SALL4: variants seen among roughly 807,000 people sequenced by gnomAD.
SALL4 encodes spalt like transcription factor 4, also known as sal-like protein 4.
In SALL4, 4 loss-of-function variants were observed where a neutral mutation model predicts 60.8. That is an observed-to-expected ratio of 0.07 (90% CI 0.03 to 0.15). SALL4 has a LOEUF of 0.15. Among genes scored for constraint, SALL4 ranks in the 10% least tolerant of loss-of-function variants. SALL4 has a pLI of 1.00. For missense variants in SALL4, 1,178 were observed against 1,394.7 expected (o/e 0.84, Z 2.48); for synonymous variants, 580 against 574.9 (o/e 1.01, Z -0.13).
At chr20:51,792,739 T>G in intron 1 of SALL4, 1 of 1,088,466 alleles carries the variant, frequency 9.2e-7, no homozygotes, top group African/African-American at 1.7e-5. Flanking sequence ...GAATTTCTTT[T>G]GTAACTGGGG....
Position 51,782,842 on chromosome 20 carries a change from G to A in SALL4, c.*1423C>T, listed in dbSNP as rs971996683. ...TTCCCACCAATACATCAACTCTTAG[G>A]CTTTAGACAGGGCCTGGGAATACTT... On this transcript the variant is annotated 3_prime_UTR_variant, in exon 4 of 4. Transcript: ENST00000217086. 1 of 151,186 alleles carries A rather than the reference G, an allele frequency of 6.6e-6. No homozygotes were observed. Among genetic ancestry groups the A allele is most frequent in the Non-Finnish European group, 1.5e-5 (1 of 67,920 alleles). 9.4% of individuals were successfully genotyped at this position (151,186 alleles called of 1,614,324 possible).
rs770161717 is a variant in SALL4 at position 51,790,745 on chromosome 20, A to C, written c.1738T>G (p.Ser580Ala). The part of the protein sequence containing the change: ...ICHRVLSCQS[S>A]LKMHYRTHTG... ...TGGGTGCGATAATGCATCTTGAGGG[A>C]GCTCTGACAGCTTAAGACTCGGTGG... is the stretch of plus-strand genomic sequence containing the variant. Residue 580 changes from serine to alanine, a missense_variant, in exon 2 of 4, where the codon TCC becomes GCC. Physicochemically the swap from Ser to Ala is moderately conservative, Grantham distance 99. This residue lies in a region of SALL4 where 853 missense variants were observed against 1,036.8 expected (regional missense o/e 0.82). Transcript: ENST00000217086. This position sits in a 1 kb window ranked among gnomAD's most constrained non-coding sequence, Gnocchi z 5.5. 61 of 1,613,830 alleles carry C rather than the reference A, an allele frequency of 3.8e-5. No homozygotes were observed. The highest frequency in any genetic ancestry group is 5.1e-5 in the Non-Finnish European group (60 of 1,180,004).
chr20:51,800,875 A>G (rs1386517759), intron 1 of SALL4, among the ~76,000 whole-genome samples: 1 of 152,208 alleles, frequency 6.6e-6, no homozygotes. Context: ...CCCTGGAAAA[A>G]TGTTAAACGG....
chr20:51,782,820 C>A lies in SALL4; in HGVS notation c.*1445G>T, dbSNP rs921833761. 1 of 151,136 alleles carries A rather than the reference C, an allele frequency of 6.6e-6. No individual in the cohort carries two copies. The highest frequency in any genetic ancestry group is 1.5e-5 in the Non-Finnish European group (1 of 67,854). 9.4% of individuals were successfully genotyped at this position (151,136 alleles called of 1,614,324 possible). A position where few individuals can be genotyped will look rare whatever the true frequency, so the allele number is the denominator to read the frequency against. On this transcript the variant is annotated 3_prime_UTR_variant, in exon 4 of 4. Coordinates refer to ENST00000217086, the MANE Select transcript of SALL4 (RefSeq NM_020436.5). ...AATCATCTTGAACGTTCACCTCTTC[C>A]CACCAATACATCAACTCTTAGGCTT...
intron 1 of SALL4, 97 bp downstream of exon 1, chr20:51,802,182 G>A: frequency 7.0e-7 from 1 of 1,431,382 alleles, no homozygotes; most frequent in South Asian, 1.4e-5. Context: ...CTGAATTTGC[G>A]CTGGACGCCG....
chr20:51,789,887 A>T, intron 2 of SALL4, 135 bp downstream of exon 2: 1 of 1,037,022 alleles, frequency 9.6e-7, no homozygotes, highest in Non-Finnish European at 1.5e-6. Flanking sequence ...CTCTACCCAG[A>T]AGTAAAGAAA....
At position 51,792,071 on chromosome 20, in the gene SALL4, C is replaced by T. The variant is rs768953160; in HGVS notation, c.412G>A (p.Gly138Ser). Reference sequence around the variant, plus strand: ...TTCTCCTTCATGTCCTCTGAGCTGCCGCCATTCTCCCTGTGACAGTCCTTA... The same window carrying T: ...TTCTCCTTCATGTCCTCTGAGCTGCTGCCATTCTCCCTGTGACAGTCCTTA... ...GSKDCHRENG[G>S]SSEDMKEKPD... Residue 138 changes from glycine to serine, a missense_variant, in exon 2 of 4, where the codon GGC (glycine) becomes AGC (serine). Gly to Ser is a moderately conservative substitution (Grantham distance 56). Around this residue, in one of 5 missense-constraint regions of SALL4, gnomAD observed 853 missense variants for 1,036.8 expected, o/e 0.82. Coordinates refer to ENST00000217086, the MANE Select transcript of SALL4 (RefSeq NM_020436.5). 30 of 1,614,054 alleles carry T rather than the reference C, an allele frequency of 1.9e-5. No individual in the cohort carries two copies. The highest frequency in any genetic ancestry group is 5.3e-5 in the African/African-American group (4 of 74,908).
Position 51,784,005 on chromosome 20 carries a change from G to A in SALL4, c.*260C>T. ...ACTGCACTCCAGCCTGGGTGATAGA[G>A]CGAGACTCCATCTCAAAAAAAAAGA... On this transcript the variant is annotated 3_prime_UTR_variant, in exon 4 of 4. Transcript: ENST00000217086. The A allele has an allele frequency of 2.2e-6, 1 of 457,734 alleles. No homozygotes were observed. Among genetic ancestry groups the A allele is most frequent in the Admixed American group, 3.4e-5 (1 of 29,204 alleles). 28.4% of individuals were successfully genotyped at this position (457,734 alleles called of 1,614,324 possible).
At chr20:51,800,858 T>C (rs1446294009) in intron 1 of SALL4, among the ~76,000 whole-genome samples, 1 of 152,220 alleles carries the variant, frequency 6.6e-6, no homozygotes, top group Non-Finnish European at 1.5e-5. Flanking sequence ...CCGATCCTTT[T>C]AATTTGCCCT....
chr20:51,787,410 C>T (rs1478821225), intron 3 of SALL4, among the ~76,000 whole-genome samples: 1 of 152,126 alleles, frequency 6.6e-6, no homozygotes, highest in Non-Finnish European at 1.5e-5. Context: ...GGTGACAGAG[C>T]AAAACGACCA....
Position 51,790,113 on chromosome 20 carries a change from C to T in SALL4, c.2370G>A (p.Pro790=), listed in dbSNP as rs570760124. 27 of 1,614,112 alleles carry T rather than the reference C, an allele frequency of 1.7e-5. No homozygotes were observed. Among genetic ancestry groups the T allele is most frequent in the Middle Eastern group, 1.6e-4 (1 of 6,062 alleles). Residue 790 remains proline, a synonymous_variant, in exon 2 of 4, where the codon CCG becomes CCA. Coordinates refer to ENST00000217086, the MANE Select transcript of SALL4 (RefSeq NM_020436.5). This position sits in a 1 kb window ranked among gnomAD's most constrained non-coding sequence, Gnocchi z 5.5. ...TGATGCTTTCGGCTTGACTATTGGC[C>T]GGGGAGAGTGCCTGGAAGGATGTGG... ...LETTSFQALS[P]ANSQAESIKS... is the part of the protein sequence containing the mutation.
rs2078041403 is a variant in SALL4 at position 51,791,490 on chromosome 20, C to T, written c.993G>A (p.Pro331=). The T allele has an allele frequency of 6.8e-6, 11 of 1,614,020 alleles. No individual in the cohort carries two copies. Among genetic ancestry groups the T allele is most frequent in the South Asian group, 1.1e-5 (1 of 91,082 alleles). ...CCGGGGCCTGAGGAAGCAAAGCGCT[C>T]GGGAGGCGGGACATGACGTTCGGGA... ...RVLPNVMSRL[P]SALLPQAPGS... Residue 331 remains proline (P), a synonymous_variant, in exon 2 of 4, where the codon CCG becomes CCA. Transcript: ENST00000217086. This position sits in a 1 kb window ranked among gnomAD's most constrained non-coding sequence, Gnocchi z 4.6.
At chr20:51,793,017 A>G (rs544969790) in intron 1 of SALL4, 2 of 978,560 alleles carry the variant, frequency 2.0e-6, no homozygotes, top group East Asian at 1.1e-4. Context: ...ACGAGCATAC[A>G]ATGATCTAGG....
rs1325204468 is a variant in SALL4 at position 51,788,739 on chromosome 20, A to G, written c.2742+122T>C. 5.8e-6 allele frequency: 7 copies of G among 1,202,768 alleles called. No individual in the cohort carries two copies. The highest frequency in any genetic ancestry group is 8.5e-6 in the Non-Finnish European group (7 of 821,736). The allele number at this position is 1,202,768 out of a possible 1,614,324, so 74.5% of individuals were successfully genotyped here. ...ATAAACAAACTCCTGGACTCAAGCA[A>G]TCCTCCCACCTCGGCCTCCCAAAGG... On this transcript the variant is annotated intron_variant, in intron 3 of 3. Coordinates refer to ENST00000217086, the MANE Select transcript of SALL4 (RefSeq NM_020436.5). This position sits in a 1 kb window ranked among gnomAD's most constrained non-coding sequence, Gnocchi z 4.1.
At chr20:51,795,385 C>T (rs1490332000) in intron 1 of SALL4, among the ~76,000 whole-genome samples, 1 of 152,020 alleles carries the variant, frequency 6.6e-6, no homozygotes. Flanking sequence ...CCAGCCTGGG[C>T]GACAGAGCGA....
intron 1 of SALL4, among the ~76,000 whole-genome samples, chr20:51,798,633 C>G (rs2078092773): frequency 6.6e-6 from 1 of 152,048 alleles, no homozygotes; most frequent in African/African-American, 2.4e-5. Flanking sequence ...GGTAGTACAA[C>G]CCAGAGAAGC....
rs535080452 is a variant in SALL4 at position 51,791,778 on chromosome 20, G to T, written c.705C>A (p.Ile235=). The change falls in exon 2 of 4, where the codon ATC becomes ATA. Residue 235 remains isoleucine, a synonymous_variant. Transcript: ENST00000217086. The surrounding 1 kb of genome is among the most constrained non-coding windows in gnomAD (Gnocchi z 4.6). The stretch of plus-strand genomic sequence containing the variant: ...AGGCCCACATGTTCACCTGGATGCG[G>T]ATCTGCTCGGTGAGCTGGATCTGCT... ...QLQQIQLTEQ[I]RIQVNMWASH... The T allele has an allele frequency of 6.8e-6, 11 of 1,614,096 alleles. No individual in the cohort carries two copies. In the South Asian group the frequency reaches 1.1e-4, roughly 16 times the overall value.
intron 1 of SALL4, among the ~76,000 whole-genome samples, chr20:51,797,046 C>G (rs112931277): frequency 0.05 from 7,568 of 151,966 alleles, 259 homozygotes; most frequent in African/African-American, 0.093. Flanking sequence ...CTAATTTTCA[C>G]TAAGCTGAAC....
rs113287064 is a variant in SALL4 at position 51,791,595 on chromosome 20, G to A, written c.888C>T (p.His296=). 32 of 1,613,580 alleles carry A rather than the reference G, an allele frequency of 2.0e-5. No individual in the cohort carries two copies. Among genetic ancestry groups the A allele is most frequent in the South Asian group, 7.7e-5 (7 of 91,086 alleles). Reference sequence around the variant, plus strand: ...AGCTGGTGGCAGAAGGGATGTTGGCGTGAGGTAGCTTGGCTTGTTTCAAGG... The same window carrying A: ...AGCTGGTGGCAGAAGGGATGTTGGCATGAGGTAGCTTGGCTTGTTTCAAGG... ...LDALKQAKLP[H]ANIPSATSSL... Residue 296 remains histidine (H), a synonymous_variant, in exon 2 of 4, where the codon CAC becomes CAT. Transcript: ENST00000217086. This position sits in a 1 kb window ranked among gnomAD's most constrained non-coding sequence, Gnocchi z 4.6.
Sources: gnomAD v4.1 joint callset for allele counts (sites outside exome capture counted in the v4.1 genomes callset) on GRCh38, gnomAD v4.1.1 for gene constraint, gnomAD v4.1.1 regional missense constraint, Gnocchi (gnomAD v3.1) non-coding constraint, MANE v1.5 for transcripts, NCBI Gene and HGNC (gene_info 2026-07-23, HGNC 2026-07-21) for gene names.